SOX5: variants seen among roughly 807,000 people sequenced by gnomAD.
SOX5 encodes transcription factor SOX-5.
A neutral mutation model predicts 92.0 loss-of-function variants in SOX5; 9 were observed. The ratio of observed to expected loss-of-function variants is 0.10; its 90% CI spans 0.06 to 0.17. The LOEUF is 0.17. Ranked by LOEUF, SOX5 falls within the 10% of genes least tolerant of loss-of-function variation. The pLI is 1.00. For synonymous variants in SOX5, 344 were observed against 336.3 expected (o/e 1.02, Z -0.25); for missense variants, 642 against 944.5 (o/e 0.68, Z 4.20).
chr12:23,916,057 G>A (rs1387295330), intron 1 of SOX5, among the ~76,000 whole-genome samples: 1 of 152,078 alleles, frequency 6.6e-6, no homozygotes, highest in African/African-American at 2.4e-5. Context: ...GATGATTTTT[G>A]ACCAGAAAAA....
chr12:23,844,034 G>A (rs1301464317), intron 3 of SOX5, among the ~76,000 whole-genome samples: 1 of 152,160 alleles, frequency 6.6e-6, no homozygotes, highest in Non-Finnish European at 1.5e-5. Flanking sequence ...AGTAAAAAAT[G>A]CACTTAATTC....
Position 23,604,408 on chromosome 12 carries a change from G to C in SOX5, c.1143C>G (p.Asn381Lys). 1 of 1,613,684 alleles carries C rather than the reference G, an allele frequency of 6.2e-7. No individual in the cohort carries two copies. Among genetic ancestry groups the C allele is most frequent in the Non-Finnish European group, 8.5e-7 (1 of 1,179,730 alleles). Reference protein sequence around the residue: ...PTSIHTDKSTNSPPPKSKDEV... With the variant: ...PTSIHTDKSTKSPPPKSKDEV... ...GTACCTTGCTTTTGGGTGGTGGGCT[G>C]TTTGTGCTCTTGTCTGTGTGAATGC... Residue 381 changes from asparagine to lysine, a missense_variant, in exon 9 of 15, where the codon AAC becomes AAG. This residue lies in a region of SOX5 where 324 missense variants were observed against 461.6 expected (regional missense o/e 0.70). Coordinates refer to ENST00000451604, the MANE Select transcript of SOX5 (RefSeq NM_006940.6).
intron 1 of SOX5, among the ~76,000 whole-genome samples, chr12:24,552,213 C>CA (rs371400419): frequency 1.4e-4 from 21 of 151,134 alleles, no homozygotes; most frequent in South Asian, 6.3e-4. Context: ...ACCACATTAT[C>CA]AAAAAAAAAG....
chr12:23,893,011 A>G (rs1000892686), intron 2 of SOX5, among the ~76,000 whole-genome samples: 1 of 152,244 alleles, frequency 6.6e-6, no homozygotes. Flanking sequence ...AAAAAATTAA[A>G]GAGAACTTCT....
intron 9 of SOX5, 45 bp from the exon 10 acceptor site, chr12:23,575,883 T>TA (rs1036839505): frequency 2.1e-6 from 3 of 1,460,898 alleles, no homozygotes; most frequent in African/African-American, 1.4e-5. Flanking sequence ...GAAAGGCTGA[T>TA]AAAAAATGCC....
chr12:23,663,855 G>T (rs1481313735), intron 7 of SOX5, among the ~76,000 whole-genome samples: 2 of 152,036 alleles, frequency 1.3e-5, no homozygotes, highest in Admixed American at 1.3e-4. Flanking sequence ...ATTAAAAAAA[G>T]TTGGTGTGTC....
intron 3 of SOX5, among the ~76,000 whole-genome samples, chr12:23,816,163 A>G (rs1368216786): frequency 6.6e-6 from 1 of 150,686 alleles, no homozygotes; most frequent in Non-Finnish European, 1.5e-5. Context: ...CCACTGCTCT[A>G]GGAGGTCAAA....
chr12:24,243,471 T>A lies in SOX5; in HGVS notation c.-76-30054A>T, dbSNP rs550166940. 6.6e-5 allele frequency among the ~76,000 whole-genome samples: 10 copies of A among 152,282 alleles called. No individual in the cohort carries two copies. In the East Asian group the frequency reaches 1.5e-3, roughly 23 times the overall value. ...AAGTAGAAAGCTCAATAGCAGCTTT[T>A]TAGTAATTCAAAGAGAAAAAGAATT... On this transcript the variant is annotated intron_variant, in intron 3 of 4. Coordinates refer to the SOX5 transcript ENST00000446891.
At chr12:23,993,982 C>T (rs757616453) in intron 4 of SOX5, among the ~76,000 whole-genome samples, 8 of 151,638 alleles carry the variant, frequency 5.3e-5, no homozygotes, top group South Asian at 2.1e-4. Flanking sequence ...GGTGTGGTGG[C>T]GTGTGTCTGT....
intron 4 of SOX5, among the ~76,000 whole-genome samples, chr12:24,013,429 A>C (rs1953197065): frequency 6.6e-6 from 1 of 152,190 alleles, no homozygotes; most frequent in South Asian, 2.1e-4. Context: ...AGAAGAGACC[A>C]TTTCATTTGT....
intron 1 of SOX5, among the ~76,000 whole-genome samples, chr12:24,396,405 T>C (rs1184245509): frequency 6.6e-6 from 1 of 152,226 alleles, no homozygotes; most frequent in Non-Finnish European, 1.5e-5. Context: ...TCACTTTAGA[T>C]TAAGCTCTTA....
At chr12:23,838,303 G>A (rs934356174) in intron 3 of SOX5, among the ~76,000 whole-genome samples, 4 of 148,408 alleles carry the variant, frequency 2.7e-5, no homozygotes, top group Admixed American at 2.1e-4. Flanking sequence ...GTTTTTTTTG[G>A]TGATTAAGAT....
intron 4 of SOX5, among the ~76,000 whole-genome samples, chr12:24,092,520 C>A (rs1366507761): frequency 1.3e-5 from 2 of 152,128 alleles, no homozygotes; most frequent in African/African-American, 4.8e-5. Flanking sequence ...AATATAGATG[C>A]TCACACCCAA....
intron 3 of SOX5, among the ~76,000 whole-genome samples, chr12:24,240,443 TG>T (rs1220419313): frequency 1.3e-5 from 2 of 152,208 alleles, no homozygotes; most frequent in African/African-American, 4.8e-5. Context: ...ATGCAATTTA[TG>T]GCAATTTGGC....
chr12:24,149,408 T>A (rs141252852), intron 4 of SOX5, among the ~76,000 whole-genome samples: 2 of 152,264 alleles, frequency 1.3e-5, no homozygotes, highest in African/African-American at 4.8e-5. Flanking sequence ...TGTACAGACA[T>A]TTCACTAAAG....
intron 4 of SOX5, among the ~76,000 whole-genome samples, chr12:23,967,663 G>T (rs1199251379): frequency 6.6e-6 from 1 of 152,124 alleles, no homozygotes; most frequent in African/African-American, 2.4e-5. Context: ...ATTGTGAGAT[G>T]ATAGTTAGTG....
chr12:23,790,045 T>G (rs934070022), intron 3 of SOX5, among the ~76,000 whole-genome samples: 56 of 152,312 alleles, frequency 3.7e-4, no homozygotes, highest in African/African-American at 1.3e-3. Flanking sequence ...AACAAATCCT[T>G]ACACTCTGCC....
intron 4 of SOX5, among the ~76,000 whole-genome samples, chr12:24,139,628 T>G (rs1950394218): frequency 6.6e-6 from 1 of 152,250 alleles, no homozygotes; most frequent in South Asian, 2.1e-4. Context: ...CGCTTCAATC[T>G]TGCTGTTTTG....
intron 3 of SOX5, among the ~76,000 whole-genome samples, chr12:23,819,723 C>G (rs1018937543): frequency 1.1e-4 from 16 of 152,118 alleles, no homozygotes; most frequent in African/African-American, 3.9e-4. Flanking sequence ...ATGATGGTTT[C>G]CAGTGTATCC....
Sources: gnomAD v4.1 joint callset for allele counts (sites outside exome capture counted in the v4.1 genomes callset) on GRCh38, gnomAD v4.1.1 for gene constraint, gnomAD v4.1.1 regional missense constraint, MANE v1.5 for transcripts, NCBI Gene and HGNC (gene_info 2026-07-23, HGNC 2026-07-21) for gene names.